The following GRIK4 variants were observed in gnomAD, a reference collection of about 807,000 sequenced individuals.
The protein encoded by GRIK4 is glutamate receptor ionotropic, kainate 4.
A neutral mutation model predicts 104.9 loss-of-function variants in GRIK4; 40 were observed. The ratio of observed to expected loss-of-function variants is 0.38; its 90% CI spans 0.30 to 0.50. The LOEUF (loss-of-function observed/expected upper bound fraction) is 0.50, where lower values mean the gene tolerates loss of function less well. Ranked by LOEUF, GRIK4 falls within the 20% of genes least tolerant of loss-of-function variation. GRIK4 has a pLI of 0.93. For synonymous variants in GRIK4, 485 were observed against 524.9 expected (o/e 0.92, Z 1.04); for missense variants, 1,047 against 1,308.1 (o/e 0.80, Z 3.08).
intron 3 of GRIK4, among the ~76,000 whole-genome samples, chr11:120,704,718 C>G (rs1232280308): frequency 6.6e-6 from 1 of 151,054 alleles, no homozygotes; most frequent in Non-Finnish European, 1.5e-5. Flanking sequence ...CAATATTGTA[C>G]AACATAACTC....
intron 3 of GRIK4, among the ~76,000 whole-genome samples, chr11:120,715,599 T>C (rs1950815759): frequency 6.6e-6 from 1 of 152,178 alleles, no homozygotes; most frequent in Non-Finnish European, 1.5e-5. Flanking sequence ...TTTCTAGACA[T>C]TCGTTTTCCC....
chr11:120,651,541 C>G (rs1285684803), intron 1 of GRIK4, among the ~76,000 whole-genome samples: 1 of 152,190 alleles, frequency 6.6e-6, no homozygotes, highest in Non-Finnish European at 1.5e-5. Context: ...GTCCTGTGGC[C>G]TGGTTCCTAC....
intron 3 of GRIK4, among the ~76,000 whole-genome samples, chr11:120,710,034 T>A (rs550425214): frequency 6.6e-6 from 1 of 152,292 alleles, no homozygotes; most frequent in African/African-American, 2.4e-5. Context: ...ACCAGAATGC[T>A]GTACCTTGGT....
chr11:120,634,477 C>G (rs992297245), intron 1 of GRIK4, among the ~76,000 whole-genome samples: 8 of 152,112 alleles, frequency 5.3e-5, no homozygotes, highest in South Asian at 2.1e-4. Flanking sequence ...CCCTCCTCCC[C>G]CAAGGGTTCT....
At chr11:120,980,311 G>A (rs1245668552) in intron 19 of GRIK4, among the ~76,000 whole-genome samples, 1 of 152,156 alleles carries the variant, frequency 6.6e-6, no homozygotes, top group Non-Finnish European at 1.5e-5. Context: ...GACAGGGGCT[G>A]GCCAGAGAAG....
chr11:120,531,620 G>A (rs1403271450), intron 1 of GRIK4, among the ~76,000 whole-genome samples: 1 of 151,710 alleles, frequency 6.6e-6, no homozygotes, highest in East Asian at 1.9e-4. Flanking sequence ...CTGTTGCTCA[G>A]GCTGGAGTGC....
rs1412433562 is a variant in GRIK4 at position 120,956,720 on chromosome 11, G to A, written c.1701-60G>A. On this transcript the variant is annotated intron_variant, in intron 15 of 20. Coordinates refer to ENST00000527524, the MANE Select transcript of GRIK4 (RefSeq NM_014619.5). The surrounding 1 kb of genome is among the most constrained non-coding windows in gnomAD (Gnocchi z 4.6). ...GAGGTGAGACCAGCCAGGAGAGCCT[G>A]CCTGTGTCCCTTCACACCCCGCCTC... 1.3e-5 allele frequency: 17 copies of A among 1,319,480 alleles called. No homozygotes were observed. The highest frequency in any genetic ancestry group is 1.6e-5 in the Non-Finnish European group (16 of 982,494). The allele number at this position is 1,319,480 out of a possible 1,614,324, so 81.7% of individuals were successfully genotyped here.
intron 1 of GRIK4, among the ~76,000 whole-genome samples, chr11:120,595,440 G>A (rs1352928236): frequency 6.6e-6 from 1 of 152,096 alleles, no homozygotes; most frequent in Non-Finnish European, 1.5e-5. Flanking sequence ...TTCCATAAAG[G>A]CAGAGACTGT....
At chr11:120,821,162 G>A (rs35338327) in intron 6 of GRIK4, among the ~76,000 whole-genome samples, 61,522 of 152,072 alleles carry the variant, frequency 0.4, 12,571 homozygotes, top group Middle Eastern at 0.44. Flanking sequence ...GAGAAAATAG[G>A]GCCCTTGCCA....
Position 120,987,545 on chromosome 11 carries a change from A to C in GRIK4, c.*1285A>C, listed in dbSNP as rs1591362687. 6.6e-6 allele frequency: 1 copy of C among 152,234 alleles called. No individual in the cohort carries two copies. Among genetic ancestry groups the C allele is most frequent in the East Asian group, 1.9e-4 (1 of 5,192 alleles). 9.4% of individuals were successfully genotyped at this position (152,234 alleles called of 1,614,324 possible). A position where few individuals can be genotyped will look rare whatever the true frequency, so the allele number is the denominator to read the frequency against. On this transcript the variant is annotated 3_prime_UTR_variant, in exon 21 of 21. Coordinates refer to ENST00000527524, the MANE Select transcript of GRIK4 (RefSeq NM_014619.5). ...TGCTAGGTTCCTGGGAGAGAGGTGG[A>C]GTCTCCTAGTCAATACACGGGCCTG...
chr11:120,529,566 T>C (rs1393016907), intron 1 of GRIK4, among the ~76,000 whole-genome samples: 1 of 152,218 alleles, frequency 6.6e-6, no homozygotes, highest in Non-Finnish European at 1.5e-5. Context: ...TGTCCTTGGA[T>C]AGTCACACAT....
At chr11:120,590,246 C>T (rs1328658825) in intron 1 of GRIK4, among the ~76,000 whole-genome samples, 1 of 152,202 alleles carries the variant, frequency 6.6e-6, no homozygotes, top group East Asian at 1.9e-4. Context: ...TTACACCTTA[C>T]CCCTGCCTCT....
chr11:120,927,377 G>A (rs982029697), intron 13 of GRIK4, among the ~76,000 whole-genome samples: 1 of 81,276 alleles, frequency 1.2e-5, no homozygotes, highest in African/African-American at 2.8e-5. Flanking sequence ...GACCAGCCTC[G>A]CCAACATGGC....
intron 3 of GRIK4, among the ~76,000 whole-genome samples, chr11:120,695,225 T>C (rs997402635): frequency 2.6e-5 from 4 of 152,190 alleles, no homozygotes; most frequent in Admixed American, 6.5e-5. Context: ...TTGCCAGCTA[T>C]AGGGCCACCC....
chr11:120,534,370 G>T (rs1369863316), intron 1 of GRIK4, among the ~76,000 whole-genome samples: 1 of 152,194 alleles, frequency 6.6e-6, no homozygotes, highest in African/African-American at 2.4e-5. Context: ...CACACCCAGA[G>T]CCCAGGATAG....
intron 12 of GRIK4, among the ~76,000 whole-genome samples, chr11:120,901,499 C>G (rs1942737533): frequency 6.6e-6 from 1 of 152,232 alleles, no homozygotes; most frequent in Non-Finnish European, 1.5e-5. Context: ...CTCTCCTTGT[C>G]TCCAGCATTT....
intron 8 of GRIK4, among the ~76,000 whole-genome samples, chr11:120,845,741 A>C (rs1428577701): frequency 6.6e-6 from 1 of 152,210 alleles, no homozygotes; most frequent in African/African-American, 2.4e-5. Flanking sequence ...TTGATTCCAA[A>C]GTGTAGTTTA....
At chr11:120,685,672 T>A (rs1421571443) in intron 3 of GRIK4, among the ~76,000 whole-genome samples, 1 of 152,156 alleles carries the variant, frequency 6.6e-6, no homozygotes, top group Non-Finnish European at 1.5e-5. Flanking sequence ...ACCAACCCAA[T>A]GGCATTTTCT....
At chr11:120,780,736 G>T (rs1026776724) in intron 3 of GRIK4, among the ~76,000 whole-genome samples, 5 of 151,762 alleles carry the variant, frequency 3.3e-5, no homozygotes, top group African/African-American at 1.2e-4. Context: ...TTGTTTGTTT[G>T]TTGTTTTTTT....
Sources: allele counts gnomAD v4.1 joint callset (sites outside exome capture counted in the v4.1 genomes callset), GRCh38; gene constraint gnomAD v4.1.1; non-coding constraint Gnocchi (gnomAD v3.1); transcripts MANE v1.5; gene names NCBI Gene and HGNC (gene_info 2026-07-23, HGNC 2026-07-21).